The following IMMP1L variants were observed in gnomAD, a reference collection of about 807,000 sequenced individuals.
IMMP1L encodes the protein inner mitochondrial membrane peptidase subunit 1, also known as mitochondrial inner membrane protease subunit 1.
Under a neutral mutation model 21.8 loss-of-function variants are expected in IMMP1L, and 24 were observed. The ratio of observed to expected loss-of-function variants is 1.10; its 90% CI spans 0.80 to 1.55. The LOEUF is 1.55. Among genes scored for constraint, IMMP1L ranks in the 40% most tolerant of loss-of-function variants. The probability of loss-of-function intolerance (pLI) is 0.00; values close to 1 mark genes in which losing one functional copy is unlikely to be tolerated. For missense variants in IMMP1L, 195 were observed against 200.7 expected (o/e 0.97, Z 0.17); for synonymous variants, 46 against 62.8 (o/e 0.73, Z 1.26).
At chr11:31,480,061 A>T (rs10742257) in intron 1 of IMMP1L, among the ~76,000 whole-genome samples, 41,258 of 151,852 alleles carry the variant, frequency 0.27, 5,902 homozygotes, top group African/African-American at 0.35. Flanking sequence ...TTTTTAAAAA[A>T]ATTGTCTCTT....
At chr11:31,488,553 A>G (rs1955155418) in intron 1 of IMMP1L, among the ~76,000 whole-genome samples, 1 of 152,206 alleles carries the variant, frequency 6.6e-6, no homozygotes, top group Admixed American at 6.5e-5. Flanking sequence ...GCAACCATCA[A>G]CAGTTCATTA....
At chr11:31,489,186 C>T (rs776619835) in intron 1 of IMMP1L, among the ~76,000 whole-genome samples, 6 of 152,008 alleles carry the variant, frequency 3.9e-5, no homozygotes, top group Non-Finnish European at 8.8e-5. Flanking sequence ...CATGAGTCAC[C>T]GCACCCGGCC....
intron 1 of IMMP1L, among the ~76,000 whole-genome samples, chr11:31,490,945 T>C (rs1955233225): frequency 6.6e-6 from 1 of 152,326 alleles, no homozygotes; most frequent in African/African-American, 2.4e-5. Flanking sequence ...AGCCTGGAGT[T>C]ACACTGTCTC....
chr11:31,463,370 T>C, intron 1 of IMMP1L, 65 bp from the exon 2 acceptor site: 2 of 1,368,126 alleles, frequency 1.5e-6, no homozygotes, highest in Non-Finnish European at 1.9e-6. Context: ...AAATAACTAT[T>C]GTAAAATATT....
intron 4 of IMMP1L, among the ~76,000 whole-genome samples, chr11:31,436,775 T>C (rs1374437812): frequency 6.6e-6 from 1 of 151,970 alleles, no homozygotes. Flanking sequence ...AGGAATCTTC[T>C]AAAAAAAACA....
chr11:31,503,276 T>C (rs1955679752), intron 1 of IMMP1L, among the ~76,000 whole-genome samples: 1 of 152,208 alleles, frequency 6.6e-6, no homozygotes, highest in South Asian at 2.1e-4. Context: ...GTGCACGCTC[T>C]TAACTACATA....
At chr11:31,459,585 CTTGAAATAGGAT>C (rs1265551970) in intron 3 of IMMP1L, among the ~76,000 whole-genome samples, 8 of 152,066 alleles carry the variant, frequency 5.3e-5, no homozygotes, top group Non-Finnish European at 1.0e-4. Flanking sequence ...GGAACCACCA[CTTGAAATAGGAT>C]TTTTTATCAT....
intron 1 of IMMP1L, among the ~76,000 whole-genome samples, chr11:31,470,361 C>T (rs539020218): frequency 3.4e-4 from 52 of 150,768 alleles, no homozygotes; most frequent in African/African-American, 1.1e-3. Context: ...TGCGGTGAGC[C>T]GAGATAGCGC....
chr11:31,494,296 T>G (rs908808094), intron 1 of IMMP1L, among the ~76,000 whole-genome samples: 8 of 152,186 alleles, frequency 5.3e-5, no homozygotes, highest in Non-Finnish European at 8.8e-5. Flanking sequence ...CAACACCACA[T>G]GGAAGTCACC....
chr11:31,473,111 G>A (rs1592000252), intron 1 of IMMP1L, among the ~76,000 whole-genome samples: 1 of 152,126 alleles, frequency 6.6e-6, no homozygotes, highest in South Asian at 2.1e-4. Context: ...GTGTAGTGGC[G>A]CGATCTTGGC....
In IMMP1L at chr11:31,494,543, T is replaced by C. The variant is rs1436251112; in HGVS notation, c.-30+14976A>G. ...TCCCCATTGTCTTGGTGATTAACAC[T>C]GGGCTCCTTGTTACTCATGCAAATT... is the stretch of plus-strand genomic sequence containing the variant. On this transcript the variant is annotated intron_variant, in intron 1 of 5. Coordinates refer to ENST00000532287, the MANE Select transcript of IMMP1L (RefSeq NM_001304274.2). 2.0e-5 allele frequency among the ~76,000 whole-genome samples: 3 copies of C among 152,238 alleles called. No individual in the cohort carries two copies. In the East Asian group the frequency reaches 5.8e-4, roughly 29 times the overall value.
chr11:31,487,059 T>C (rs1374095183), intron 1 of IMMP1L, among the ~76,000 whole-genome samples: 3 of 151,742 alleles, frequency 2.0e-5, no homozygotes, highest in Non-Finnish European at 2.9e-5. Context: ...TATATATTTA[T>C]GTTCCTGTAT....
chr11:31,451,209 A>C (rs1953742972), intron 4 of IMMP1L, among the ~76,000 whole-genome samples: 1 of 152,102 alleles, frequency 6.6e-6, no homozygotes, highest in South Asian at 2.1e-4. Context: ...TGAGATGGGG[A>C]GCCACTGGGG....
At chr11:31,447,823 T>C (rs1953584233) in intron 4 of IMMP1L, among the ~76,000 whole-genome samples, 1 of 152,184 alleles carries the variant, frequency 6.6e-6, no homozygotes, top group South Asian at 2.1e-4. Flanking sequence ...TTTTTCATTC[T>C]TGTTTTAGGT....
chr11:31,456,670 T>C (rs573013052), intron 3 of IMMP1L, among the ~76,000 whole-genome samples: 47 of 151,980 alleles, frequency 3.1e-4, no homozygotes, highest in African/African-American at 1.1e-3. Context: ...TTTTGCATTG[T>C]ATCCAGTATG....
At chr11:31,495,216 G>A (rs559437537) in intron 1 of IMMP1L, among the ~76,000 whole-genome samples, 1 of 150,904 alleles carries the variant, frequency 6.6e-6, no homozygotes, top group East Asian at 1.9e-4. Context: ...CATTCAACAA[G>A]TCTCCAAGAA....
chr11:31,479,906 T>C (rs950686480), intron 1 of IMMP1L, among the ~76,000 whole-genome samples: 2 of 152,034 alleles, frequency 1.3e-5, no homozygotes, highest in African/African-American at 4.8e-5. Context: ...AAAGAAAGTA[T>C]AAAATCCTGT....
In IMMP1L at chr11:31,449,047, G is replaced by A. The variant is rs539380454; in HGVS notation, c.321+7213C>T. 1.1e-5 allele frequency: 11 copies of A among 985,330 alleles called. No homozygotes were observed. In the South Asian group the frequency reaches 3.3e-4, roughly 29 times the overall value. 61.0% of individuals were successfully genotyped at this position (985,330 alleles called of 1,614,324 possible). ...GCCATGATTGATTATCCTAGGAGCC[G>A]TTGCTGAGAAATGGATGTGTAGCAC... On this transcript the variant is annotated intron_variant, in intron 4 of 5. Coordinates refer to ENST00000532287, the MANE Select transcript of IMMP1L (RefSeq NM_001304274.2).
intron 1 of IMMP1L, among the ~76,000 whole-genome samples, chr11:31,482,969 A>G (rs1366887620): frequency 1.3e-5 from 2 of 152,098 alleles, no homozygotes; most frequent in Non-Finnish European, 2.9e-5. Context: ...ATAGTTATAT[A>G]TTCACAACTA....
Sources: gnomAD v4.1 joint callset for allele counts (sites outside exome capture counted in the v4.1 genomes callset) on GRCh38, gnomAD v4.1.1 for gene constraint, MANE v1.5 for transcripts, NCBI Gene and HGNC (gene_info 2026-07-23, HGNC 2026-07-21) for gene names.